PSD3: variants seen among roughly 807,000 people sequenced by gnomAD.
The protein encoded by PSD3 is PH and SEC7 domain-containing protein 3.
In PSD3, 49 loss-of-function variants were observed where a neutral mutation model predicts 105.5. The ratio of observed to expected loss-of-function variants is 0.46; its 90% CI spans 0.37 to 0.59. PSD3 has a LOEUF of 0.59. Among genes scored for constraint, PSD3 ranks in the 20% least tolerant of loss-of-function variants. PSD3 has a pLI of 0.00. For missense variants in PSD3, 1,561 were observed against 1,263.8 expected, an observed-to-expected ratio of 1.24 and a Z score of -3.57; for synonymous variants, 557 against 457.8, an observed-to-expected ratio of 1.22 and a Z score of -2.77.
chr8:19,008,040 A>G (rs1479541465), intron 1 of PSD3, among the ~76,000 whole-genome samples: 1 of 86,698 alleles, frequency 1.2e-5, no homozygotes, highest in African/African-American at 4.2e-5. Flanking sequence ...ACAAGGCTTC[A>G]CCATGACAGC....
At chr8:18,880,611 C>T (rs1053681184) in intron 2 of PSD3, among the ~76,000 whole-genome samples, 18 of 152,196 alleles carry the variant, frequency 1.2e-4, no homozygotes, top group Non-Finnish European at 4.4e-5. Flanking sequence ...CCATGCCCAT[C>T]ATCTCCTCAT....
rs375329755 is a variant in PSD3 at position 18,967,540 on chromosome 8, C to G, written c.22-31398G>C. Among the ~76,000 whole-genome samples, 28 of 152,264 alleles carry G rather than the reference C, an allele frequency of 1.8e-4. No homozygotes were observed. The East Asian group carries it at 5.0e-3, about 27-fold the overall frequency. The stretch of plus-strand genomic sequence containing the variant: ...CAAAGCTACCTATTGACTCACTTAA[C>G]TATTTCCAGAAAGCCCAGCAGATAC... On this transcript the variant is annotated intron_variant, in intron 1 of 15. Transcript: ENST00000327040.
chr8:18,981,946 A>T (rs1165118997), intron 1 of PSD3, among the ~76,000 whole-genome samples: 1 of 152,184 alleles, frequency 6.6e-6, no homozygotes, highest in African/African-American at 2.4e-5. Context: ...ACAAAAATGA[A>T]GTTTGTCACA....
chr8:18,547,248 C>G (rs1324709373), intron 15 of PSD3, among the ~76,000 whole-genome samples: 1 of 152,140 alleles, frequency 6.6e-6, no homozygotes, highest in Non-Finnish European at 1.5e-5. Context: ...GGTGCCATAT[C>G]ATGGTAGCTT....
In PSD3 at chr8:18,755,051, G is replaced by A. The variant is rs186943125; in HGVS notation, c.2172+10398C>T. ...AAAGAGGATAGCTTTTATTCATGAT[G>A]TGACCAGTTACATTCATATCAATAA... On this transcript the variant is annotated intron_variant, in intron 9 of 15. Transcript: ENST00000327040. Among the ~76,000 whole-genome samples, 285 of 152,236 alleles carry A rather than the reference G, an allele frequency of 1.9e-3. 3 individuals are homozygous for A. The highest frequency in any genetic ancestry group is 6.7e-3 in the African/African-American group (279 of 41,546).
At chr8:18,651,486 C>T (rs550100089) in intron 10 of PSD3, among the ~76,000 whole-genome samples, 2 of 152,282 alleles carry the variant, frequency 1.3e-5, no homozygotes, top group Non-Finnish European at 2.9e-5. Flanking sequence ...AAATGTGGTT[C>T]CTTCATTACC....
chr8:18,701,190 G>A (rs1008182063), intron 9 of PSD3, among the ~76,000 whole-genome samples: 3 of 148,392 alleles, frequency 2.0e-5, no homozygotes, highest in Admixed American at 6.7e-5. Context: ...GGTTGGTCTC[G>A]AACTCCTGGG....
At chr8:18,790,495 G>A (rs1444604110) in intron 8 of PSD3, among the ~76,000 whole-genome samples, 1 of 151,426 alleles carries the variant, frequency 6.6e-6, no homozygotes, top group Non-Finnish European at 1.5e-5. Flanking sequence ...GTAGAGATGG[G>A]GTTTCACCAT....
intron 8 of PSD3, among the ~76,000 whole-genome samples, chr8:18,777,451 C>T (rs1454455452): frequency 6.6e-6 from 1 of 152,138 alleles, no homozygotes; most frequent in Non-Finnish European, 1.5e-5. Context: ...TGTTTCCTTC[C>T]ACTAATGTTG....
intron 15 of PSD3, among the ~76,000 whole-genome samples, chr8:18,555,122 T>C (rs370283983): frequency 6.7e-4 from 102 of 152,180 alleles, no homozygotes; most frequent in African/African-American, 2.4e-3. Context: ...TGCCGTCATC[T>C]GGGTTGAACC....
rs748914113 is a variant in PSD3, at chr8:18,799,280, C to G, written c.2082+15G>C. The G allele has an allele frequency of 6.3e-7, 1 of 1,589,352 alleles. No individual in the cohort carries two copies. Among genetic ancestry groups the G allele is most frequent in the South Asian group, 1.1e-5 (1 of 90,582 alleles). On this transcript the variant is annotated intron_variant, in intron 8 of 15. Coordinates refer to ENST00000327040, the MANE Select transcript of PSD3 (RefSeq NM_015310.4). The stretch of plus-strand genomic sequence containing the variant: ...CGACATGTTTTGGATCTAAGTTTCA[C>G]AAATCCACACTTACGTGGCCATGTA...
intron 8 of PSD3, among the ~76,000 whole-genome samples, chr8:18,793,155 T>C (rs909557473): frequency 4.6e-5 from 7 of 151,752 alleles, no homozygotes; most frequent in East Asian, 3.9e-4. Context: ...GTGGGGAACA[T>C]TGCACACCCC....
intron 10 of PSD3, among the ~76,000 whole-genome samples, chr8:18,638,353 C>T (rs1807419445): frequency 6.6e-6 from 1 of 151,534 alleles, no homozygotes; most frequent in African/African-American, 2.4e-5. Flanking sequence ...AAGTGACTGT[C>T]TCTGATGCTG....
intron 1 of PSD3, among the ~76,000 whole-genome samples, chr8:18,961,935 T>C (rs1247667808): frequency 6.6e-6 from 1 of 152,080 alleles, no homozygotes; most frequent in East Asian, 1.9e-4. Flanking sequence ...GAAAACCATG[T>C]AAAATCTATG....
chr8:18,693,417 T>C (rs541139158), intron 9 of PSD3, among the ~76,000 whole-genome samples: 12 of 152,328 alleles, frequency 7.9e-5, no homozygotes, highest in Admixed American at 2.6e-4. Flanking sequence ...GTCAGTGACA[T>C]TGAATAAGTT....
intron 1 of PSD3, among the ~76,000 whole-genome samples, chr8:18,951,249 G>A (rs73202190): frequency 0.34 from 52,099 of 151,918 alleles, 9,146 homozygotes; most frequent in Middle Eastern, 0.53. Context: ...TTAAAAAATA[G>A]CCAGGTGTGG....
In PSD3 at chr8:18,736,172, C is replaced by T. The variant is rs569764192; in HGVS notation, c.2172+29277G>A. 5.3e-5 allele frequency among the ~76,000 whole-genome samples: 8 copies of T among 152,276 alleles called. 1 individual carries two copies. The East Asian group carries it at 9.7e-4, about 18-fold the overall frequency. On this transcript the variant is annotated intron_variant, in intron 9 of 15. Coordinates refer to ENST00000327040, the MANE Select transcript of PSD3 (RefSeq NM_015310.4). ...CTCACGTAATTTCTATAACCTCCAA[C>T]TTCCATACTTACAAACTCTGGAATA...
intron 12 of PSD3, among the ~76,000 whole-genome samples, chr8:18,582,586 T>A (rs1802887779): frequency 6.6e-6 from 1 of 152,126 alleles, no homozygotes; most frequent in Admixed American, 6.5e-5. Flanking sequence ...TGTTCAGATC[T>A]GCATTTCTGG....
intron 1 of PSD3, among the ~76,000 whole-genome samples, chr8:19,071,887 T>G (rs1829277622): frequency 6.6e-6 from 1 of 152,002 alleles, no homozygotes; most frequent in Non-Finnish European, 1.5e-5. Context: ...TTTTTGTATT[T>G]TTAGTAGAGA....
Sources: gnomAD v4.1 joint callset for allele counts (sites outside exome capture counted in the v4.1 genomes callset) on GRCh38, gnomAD v4.1.1 for gene constraint, MANE v1.5 for transcripts, NCBI Gene and HGNC (gene_info 2026-07-23, HGNC 2026-07-21) for gene names.